The following CSMD1 variants were observed in gnomAD, a reference collection of about 807,000 sequenced individuals.
The protein encoded by CSMD1 is CUB and sushi domain-containing protein 1.
CSMD1 carries 213 observed loss-of-function variants against 417.5 expected under a neutral mutation model. The ratio of observed to expected loss-of-function variants is 0.51; its 90% CI spans 0.46 to 0.57. The LOEUF (loss-of-function observed/expected upper bound fraction) is 0.57, where lower values mean the gene tolerates loss of function less well. Ranked by LOEUF, CSMD1 falls within the 20% of genes least tolerant of loss-of-function variation. CSMD1 has a pLI of 0.00. For missense variants in CSMD1, 6,923 were observed against 4,529.7 expected (o/e 1.53, Z -15.17); for synonymous variants, 2,862 against 1,736.8 (o/e 1.65, Z -16.11).
At chr8:3,587,554 T>C (rs1463532098) in intron 8 of CSMD1, among the ~76,000 whole-genome samples, 1 of 152,094 alleles carries the variant, frequency 6.6e-6, no homozygotes, top group East Asian at 1.9e-4. Flanking sequence ...AAAAAATCCA[T>C]ATCTATAATA....
At chr8:3,285,160 A>G (rs1803051654) in intron 25 of CSMD1, among the ~76,000 whole-genome samples, 3 of 152,178 alleles carry the variant, frequency 2.0e-5, no homozygotes, top group African/African-American at 7.2e-5. Context: ...ACCGATTACA[A>G]GGGAGGTAAA....
chr8:3,292,370 C>T (rs1269180007), intron 25 of CSMD1, among the ~76,000 whole-genome samples: 6 of 152,056 alleles, frequency 3.9e-5, no homozygotes, highest in South Asian at 2.1e-4. Context: ...GAGTTCAATT[C>T]CTGGGTATCC....
chr8:4,954,399 C>T (rs996174232), intron 1 of CSMD1, among the ~76,000 whole-genome samples: 26 of 152,120 alleles, frequency 1.7e-4, no homozygotes, highest in African/African-American at 6.3e-4. Flanking sequence ...CTGATTGAAG[C>T]TGTTTCCAGG....
At chr8:3,876,690 G>T (rs1349117146) in intron 5 of CSMD1, among the ~76,000 whole-genome samples, 1 of 152,142 alleles carries the variant, frequency 6.6e-6, no homozygotes, top group Non-Finnish European at 1.5e-5. Flanking sequence ...GCGCACTGTA[G>T]CCTTGACTTC....
chr8:3,345,449 C>G (rs1157254018), intron 22 of CSMD1, among the ~76,000 whole-genome samples: 1 of 152,060 alleles, frequency 6.6e-6, no homozygotes, highest in Non-Finnish European at 1.5e-5. Context: ...CCTGTCAGTT[C>G]TCTAAAGTTA....
chr8:3,467,632 G>C (rs1161540581), intron 12 of CSMD1, among the ~76,000 whole-genome samples: 1 of 152,174 alleles, frequency 6.6e-6, no homozygotes, highest in Admixed American at 6.5e-5. Context: ...ATGCTTTGTA[G>C]ATGAGGATAC....
chr8:3,671,477 AT>A (rs1563256681), intron 7 of CSMD1, among the ~76,000 whole-genome samples: 54 of 117,150 alleles, frequency 4.6e-4, no homozygotes, highest in African/African-American at 1.7e-3. Context: ...ATAATCATAT[AT>A]ATACTCATAT....
intron 5 of CSMD1, among the ~76,000 whole-genome samples, chr8:3,859,041 G>A (rs760937156): frequency 3.3e-5 from 5 of 152,126 alleles, no homozygotes; most frequent in East Asian, 1.9e-4. Context: ...CTTATTATAA[G>A]TGAAATTTTA....
chr8:2,962,582 A>C lies in CSMD1; in HGVS notation c.9512T>G (p.Phe3171Cys). 1 of 1,613,924 alleles carries C rather than the reference A, an allele frequency of 6.2e-7. No homozygotes were observed. The highest frequency in any genetic ancestry group is 1.7e-5 in the Admixed American group (1 of 60,020). ...PAEGRLSGKS[F>C]TYKSEVFFQC... The stretch of plus-strand genomic sequence containing the variant: ...GAAGAAGACTTCGGACTTATAGGTG[A>C]AACTTTTCCCACTAAGTCGCCCTTC... The change falls in exon 61 of 70, where the codon TTC becomes TGC. Residue 3171 changes from phenylalanine (F) to cysteine (C), a missense_variant. Physicochemically the swap from Phe to Cys is radical, Grantham distance 205. Transcript: ENST00000635120.
chr8:3,781,065 T>A (rs1799153258), intron 5 of CSMD1, among the ~76,000 whole-genome samples: 4 of 152,186 alleles, frequency 2.6e-5, no homozygotes, highest in African/African-American at 9.7e-5. Flanking sequence ...CAGCAAATAG[T>A]TGAAAGCCTG....
intron 3 of CSMD1, among the ~76,000 whole-genome samples, chr8:4,190,760 C>T (rs1394036718): frequency 6.6e-6 from 1 of 152,092 alleles, no homozygotes; most frequent in Admixed American, 6.6e-5. Context: ...TTAAACAGTA[C>T]TATGCGGCCA....
intron 4 of CSMD1, among the ~76,000 whole-genome samples, chr8:4,010,658 C>T (rs1247446593): frequency 6.6e-6 from 1 of 152,122 alleles, no homozygotes; most frequent in Admixed American, 6.5e-5. Context: ...TTTTTTGACT[C>T]ATGGGACCTA....
intron 12 of CSMD1, among the ~76,000 whole-genome samples, chr8:3,453,728 A>C (rs113178157): frequency 0.1 from 15,641 of 152,044 alleles, 1,428 homozygotes; most frequent in East Asian, 0.33. Flanking sequence ...AGCTTTACTT[A>C]CAACTATGTG....
chr8:4,379,812 G>C (rs1802987595), intron 3 of CSMD1, among the ~76,000 whole-genome samples: 1 of 152,200 alleles, frequency 6.6e-6, no homozygotes, highest in African/African-American at 2.4e-5. Flanking sequence ...ACAATTCTAT[G>C]AGGTAAGTAC....
chr8:3,794,346 T>C (rs777278181), intron 5 of CSMD1, among the ~76,000 whole-genome samples: 5 of 152,186 alleles, frequency 3.3e-5, no homozygotes, highest in Non-Finnish European at 7.3e-5. Flanking sequence ...AGTAAACATA[T>C]GTTTGCTAAA....
chr8:3,640,754 G>T (rs911732729), intron 7 of CSMD1, among the ~76,000 whole-genome samples: 2 of 152,158 alleles, frequency 1.3e-5, no homozygotes, highest in Admixed American at 6.5e-5. Flanking sequence ...CATTGTACAG[G>T]AAGTGAGACA....
rs1016146388 is a variant in CSMD1, at chr8:4,322,923, T to G, written c.415+97030A>C. On this transcript the variant is annotated intron_variant, in intron 3 of 69. Coordinates refer to ENST00000635120, the MANE Select transcript of CSMD1 (RefSeq NM_033225.6). ...TCGCTTGAACCCTGGAGGTGGAGGT[T>G]GCAGTGAGCCTAGATCGTGCCCCTG... is the stretch of plus-strand genomic sequence containing the variant. 9.9e-4 allele frequency among the ~76,000 whole-genome samples: 151 copies of G among 152,274 alleles called. 1 individual carries two copies. Among genetic ancestry groups the G allele is most frequent in the African/African-American group, 3.6e-3 (148 of 41,570 alleles).
chr8:4,306,995 C>G (rs185428379), intron 3 of CSMD1, among the ~76,000 whole-genome samples: 1 of 152,116 alleles, frequency 6.6e-6, no homozygotes, highest in African/African-American at 2.4e-5. Context: ...CATCTGTCAC[C>G]GCCCTGGTTC....
intron 3 of CSMD1, among the ~76,000 whole-genome samples, chr8:4,307,938 C>G (rs13258014): frequency 1.3e-5 from 2 of 151,976 alleles, no homozygotes; most frequent in African/African-American, 4.8e-5. Context: ...ATGCAAGGGT[C>G]TTCGGTGTAA....
Sources: allele counts gnomAD v4.1 joint callset (sites outside exome capture counted in the v4.1 genomes callset), GRCh38; gene constraint gnomAD v4.1.1; transcripts MANE v1.5; gene names NCBI Gene and HGNC (gene_info 2026-07-23, HGNC 2026-07-21).